The following ATOSB variants were observed in gnomAD, a reference collection of about 807,000 sequenced individuals.
ATOSB encodes atos homolog protein B.
chr9:35,115,229 C>T, the ATOSB span, among the ~76,000 whole-genome samples: 1 of 152,056 alleles, frequency 6.6e-6, no homozygotes, highest in South Asian at 2.1e-4. Context: ...TAGTGACAAG[C>T]AGGGTCTGAC....
the ATOSB span, among the ~76,000 whole-genome samples, chr9:35,113,673 TAAAG>T: frequency 5.6e-5 from 7 of 125,138 alleles, no homozygotes; most frequent in South Asian, 5.8e-4. Flanking sequence ...AATAAATAAA[TAAAG>T]AGGCCTTACC....
chr9:35,107,319 CAAA>C, the ATOSB span: 54,146 of 1,115,212 alleles, frequency 0.049, 7 homozygotes, highest in Middle Eastern at 0.057. Flanking sequence ...GATCCCATCT[CAAA>C]AAAAAAAAAA....
chr9:35,106,021 G>A, the ATOSB span: 1 of 1,611,712 alleles, frequency 6.2e-7, no homozygotes, highest in Non-Finnish European at 8.5e-7. This position sits in a 1 kb window ranked among gnomAD's most constrained non-coding sequence, Gnocchi z 4.6. Flanking sequence ...TGGAAGGCCA[G>A]GGAGCCATCA....
At chr9:35,113,140 C>CTAGGAAAACAGAGACGTAGAACACTG in the ATOSB span, among the ~76,000 whole-genome samples, 3 of 152,164 alleles carry the variant, frequency 2.0e-5, no homozygotes, top group African/African-American at 7.2e-5. Flanking sequence ...TAAAAACTTA[C>CTAGGAAAACAGAGACGTAGAACACTG]TAGGAAAACA....
At chr9:35,106,405 T>C in the ATOSB span, 2 of 1,614,044 alleles carry the variant, frequency 1.2e-6, no homozygotes, top group African/African-American at 2.7e-5. This position sits in a 1 kb window ranked among gnomAD's most constrained non-coding sequence, Gnocchi z 4.6. Flanking sequence ...CTCGCAGCAA[T>C]GATTCCTGGG....
chr9:35,106,420 G>C, the ATOSB span: 1 of 1,614,160 alleles, frequency 6.2e-7, no homozygotes, highest in Non-Finnish European at 8.5e-7. The surrounding 1 kb of genome is among the most constrained non-coding windows in gnomAD (Gnocchi z 4.6). Context: ...CCTGGGATTA[G>C]GGTAGGGAAA....
the ATOSB span, chr9:35,107,664 C>G: frequency 1.2e-6 from 2 of 1,608,994 alleles, no homozygotes. Context: ...ATTGCCCACC[C>G]CAGCCACTGG....
the ATOSB span, chr9:35,106,727 C>T: frequency 2.0e-6 from 3 of 1,465,410 alleles, no homozygotes; most frequent in Non-Finnish European, 2.8e-6. The surrounding 1 kb of genome is among the most constrained non-coding windows in gnomAD (Gnocchi z 4.6). Context: ...CCCTCTGCCA[C>T]TATGTAGGGC....
chr9:35,107,919 G>A, the ATOSB span: 1 of 1,599,078 alleles, frequency 6.3e-7, no homozygotes, highest in Non-Finnish European at 8.5e-7. Context: ...GCCACGGTGG[G>A]AGAAATGCTG....
chr9:35,106,249 T>TACCA, the ATOSB span: 1 of 1,613,344 alleles, frequency 6.2e-7, no homozygotes, highest in South Asian at 1.1e-5. This position sits in a 1 kb window ranked among gnomAD's most constrained non-coding sequence, Gnocchi z 4.6. Flanking sequence ...AGTCAAGGCA[T>TACCA]ACCAGGAAGG....
chr9:35,109,793 A>G, the ATOSB span: 1 of 152,296 alleles, frequency 6.6e-6, no homozygotes, highest in Admixed American at 6.6e-5. Context: ...CTGTAAGCTC[A>G]CTAACAGTTC....
the ATOSB span, chr9:35,108,108 G>A: frequency 1.7e-4 from 260 of 1,556,736 alleles, 1 homozygote; most frequent in Middle Eastern, 1.4e-3. Flanking sequence ...GGTACCAGCC[G>A]GAGGGGAAAA....
chr9:35,112,328 A>G, the ATOSB span: 1 of 90,056 alleles, frequency 1.1e-5, no homozygotes, highest in Non-Finnish European at 2.5e-5. Context: ...CTTTCTACTC[A>G]CAGGCCCATG....
chr9:35,114,893 G>A, the ATOSB span, among the ~76,000 whole-genome samples: 4 of 152,276 alleles, frequency 2.6e-5, no homozygotes, highest in Non-Finnish European at 2.9e-5. Context: ...GGTGGGGGTG[G>A]GGTCTGAGCC....
At chr9:35,114,146 G>C in the ATOSB span, among the ~76,000 whole-genome samples, 1 of 152,158 alleles carries the variant, frequency 6.6e-6, no homozygotes, top group African/African-American at 2.4e-5. Context: ...AAGCAGAAAG[G>C]CTATATCCTC....
the ATOSB span, chr9:35,110,709 AAAC>A: frequency 5.9e-5 from 9 of 152,384 alleles, no homozygotes; most frequent in East Asian, 5.8e-4. Context: ...AGGCCAGCAA[AAAC>A]AACAAGTCCC....
the ATOSB span, chr9:35,110,271 C>T: frequency 6.6e-6 from 1 of 152,308 alleles, no homozygotes; most frequent in Non-Finnish European, 1.5e-5. Context: ...GAAGGTACAA[C>T]CTGCACTAAT....
chr9:35,116,042 C>G, the ATOSB span: 1 of 152,524 alleles, frequency 6.6e-6, no homozygotes, highest in Non-Finnish European at 1.5e-5. Flanking sequence ...CCCCTTCTGA[C>G]CTCGCACCTC....
chr9:35,106,356 C>G, the ATOSB span: 1 of 1,614,062 alleles, frequency 6.2e-7, no homozygotes, highest in Non-Finnish European at 8.5e-7. The surrounding 1 kb of genome is among the most constrained non-coding windows in gnomAD (Gnocchi z 4.6). Context: ...CCAATTTCTG[C>G]TGTGAAGCCC....
Sources: gnomAD v4.1 joint callset for allele counts (sites outside exome capture counted in the v4.1 genomes callset) on GRCh38, gnomAD v4.1.1 for gene constraint, Gnocchi (gnomAD v3.1) non-coding constraint, MANE v1.5 for transcripts, NCBI Gene and HGNC (gene_info 2026-07-23, HGNC 2026-07-21) for gene names.